SPAG4: variants seen among roughly 807,000 people sequenced by gnomAD.
The protein encoded by SPAG4 is sperm associated antigen 4.
A neutral mutation model predicts 53.9 loss-of-function variants in SPAG4; 54 were observed. That is an observed-to-expected ratio of 1.00 (90% CI 0.80 to 1.26). The LOEUF (loss-of-function observed/expected upper bound fraction) is 1.26, where lower values mean the gene tolerates loss of function less well. Among genes scored for constraint, SPAG4 ranks in the 50% most tolerant of loss-of-function variants. SPAG4 has a pLI of 0.00. For synonymous variants in SPAG4, 246 were observed against 237.4 expected (o/e 1.04, Z -0.33); for missense variants, 548 against 568.6 (o/e 0.96, Z 0.37).
Position 35,616,138 on chromosome 20 carries a change from G to C in SPAG4, c.135G>C (p.Gly45=), listed in dbSNP as rs760780794. The C allele has an allele frequency of 3.1e-6, 5 of 1,604,856 alleles. No homozygotes were observed. The African/African-American group carries it at 6.7e-5, about 22-fold the overall frequency. ...KGLRSAEPGP[G]EPEGRRARGP... ...TCCGGTCAGCGGAGCCCGGGCCTGG[G>C]GAGCCCGAGGGCAGAAGAGCCCGGG... Residue 45 remains glycine (G), a synonymous_variant, in exon 1 of 12, where the codon GGG becomes GGC. Transcript: ENST00000374273.
intron 4 of SPAG4, 87 bp from the exon 5 acceptor site, chr20:35,618,000 C>T (rs962262311): frequency 9.6e-6 from 14 of 1,456,046 alleles, no homozygotes; most frequent in Admixed American, 1.7e-5. Context: ...GGCTTAACCC[C>T]CTCAAGCCTC....
In SPAG4 at chr20:35,620,759, A is replaced by G. The variant is rs1041212115; in HGVS notation, c.1153A>G (p.Thr385Ala). ...CGATGTTGAGAAATCGGAGATTCAG[A>G]CTTTCCACCTGCAGGTGTGTTTGTC... ...TFDVEKSEIQ[T>A]FHLQNDPPAA... Residue 385 changes from threonine to alanine, a missense_variant, in exon 11 of 12, where the codon ACT (threonine) becomes GCT (alanine). Transcript: ENST00000374273. 3.1e-6 allele frequency: 5 copies of G among 1,613,706 alleles called. No homozygotes were observed. The highest frequency in any genetic ancestry group is 4.5e-5 in the East Asian group (2 of 44,856).
chr20:35,619,136 C>A, intron 8 of SPAG4, 59 bp from the exon 9 acceptor site: 1 of 1,389,742 alleles, frequency 7.2e-7, no homozygotes, highest in Non-Finnish European at 1.0e-6. Context: ...CCCGCGCCCC[C>A]GCGCCCCGAC....
chr20:35,618,864 C>T, intron 7 of SPAG4, 59 bp from the exon 8 acceptor site: 2 of 1,533,890 alleles, frequency 1.3e-6, no homozygotes, highest in South Asian at 2.2e-5. Context: ...AGGTCCCGTC[C>T]ACCTGTAAAA....
intron 9 of SPAG4, 108 bp from the exon 10 acceptor site, chr20:35,619,471 G>GT: frequency 6.8e-7 from 1 of 1,477,008 alleles, no homozygotes; most frequent in South Asian, 1.2e-5. Flanking sequence ...CGGGCTGGAG[G>GT]TGGAGCTCTG....
Position 35,617,803 on chromosome 20 carries a change from G to A in SPAG4, c.501G>A (p.Leu167=), listed in dbSNP as rs770356303. ...GGGAGGTCTGTTCCATCCGCTTCCTGTTCACGGCTGTGTCGCTGCTGAGCC... is the reference window on the plus strand; with the variant it reads ...GGGAGGTCTGTTCCATCCGCTTCCTATTCACGGCTGTGTCGCTGCTGAGCC... ...MYREVCSIRF[L]FTAVSLLSLF... Residue 167 remains leucine (L), a synonymous_variant, in exon 4 of 12, where the codon CTG becomes CTA. Coordinates refer to ENST00000374273, the MANE Select transcript of SPAG4 (RefSeq NM_003116.3). The A allele has an allele frequency of 5.0e-5, 81 of 1,614,082 alleles. No individual in the cohort carries two copies. Among genetic ancestry groups the A allele is most frequent in the Non-Finnish European group, 6.9e-5 (81 of 1,179,992 alleles).
rs777504454 is a variant in SPAG4 at position 35,621,078 on chromosome 20, T to C, written c.*56T>C. The C allele has an allele frequency of 1.0e-4, 162 of 1,581,660 alleles. No homozygotes were observed. Among genetic ancestry groups the C allele is most frequent in the Non-Finnish European group, 1.3e-4 (155 of 1,154,060 alleles). ...CTGCTGAAGGATACTGGATCAGTGC[T>C]TTCGGGGGCTCTGTTGGGAGAGCTC... On this transcript the variant is annotated 3_prime_UTR_variant, in exon 12 of 12. Coordinates refer to ENST00000374273, the MANE Select transcript of SPAG4 (RefSeq NM_003116.3).
At chr20:35,616,864 A>C (rs1007996456) in intron 1 of SPAG4, 12 of 470,762 alleles carry the variant, frequency 2.5e-5, no homozygotes, top group Non-Finnish European at 4.2e-5. Context: ...TCCCGACCTC[A>C]GGTGATCCGC....
intron 4 of SPAG4, 63 bp from the exon 5 acceptor site, chr20:35,618,024 C>G: frequency 6.4e-7 from 1 of 1,560,572 alleles, no homozygotes; most frequent in Non-Finnish European, 8.8e-7. Context: ...CCACTGTCCC[C>G]CTATGCCGGG....
At chr20:35,618,049 T>C in intron 4 of SPAG4, 38 bp from the exon 5 acceptor site, 1 of 1,606,778 alleles carries the variant, frequency 6.2e-7, no homozygotes, top group African/African-American at 1.3e-5. Context: ...CCCATTCTCT[T>C]CCTTTTCCTT....
In SPAG4 at chr20:35,618,956, G is replaced by A. The variant is rs1024523819; in HGVS notation, c.751G>A (p.Glu251Lys). ...VAKLVFQRLN[E>K]DFVRKPDYAL... ...CAAGCTCGTGTTCCAGAGGCTGAAT[G>A]AGGATTTTGTGCGGAAGCCCGACTA... is the stretch of plus-strand genomic sequence containing the variant. Residue 251 changes from glutamate to lysine, a missense_variant, in exon 8 of 12, where the codon GAG becomes AAG. Glu to Lys is a moderately conservative substitution (Grantham distance 56, BLOSUM62 1). Transcript: ENST00000374273. The A allele has an allele frequency of 3.1e-6, 5 of 1,614,220 alleles. No homozygotes were observed. The highest frequency in any genetic ancestry group is 4.2e-6 in the Non-Finnish European group (5 of 1,180,032).
chr20:35,618,166 G>C (rs757919119), intron 5 of SPAG4, 36 bp downstream of exon 5: 10 of 1,603,216 alleles, frequency 6.2e-6, no homozygotes, highest in Middle Eastern at 1.7e-4. Flanking sequence ...TAGGGGGTTG[G>C]CAGGTTGTGA....
In SPAG4 at chr20:35,617,173, C is replaced by A; in HGVS notation, c.342C>A (p.Leu114=). The A allele has an allele frequency of 6.3e-7, 1 of 1,597,630 alleles. No individual in the cohort carries two copies. Residue 114 remains leucine (L), a synonymous_variant, in exon 2 of 12, where the codon CTC becomes CTA. Coordinates refer to ENST00000374273, the MANE Select transcript of SPAG4 (RefSeq NM_003116.3). Reference sequence around the variant, plus strand: ...CTCCAGTAGTCTCTGAGGAGCCGCTCGACCTTCTCCCGACCCTGGATCTGA... The same window carrying A: ...CTCCAGTAGTCTCTGAGGAGCCGCTAGACCTTCTCCCGACCCTGGATCTGA... The part of the protein sequence containing the change: ...TGSPVVSEEP[L]DLLPTLDLRQ...
At chr20:35,617,285 C>A in intron 2 of SPAG4, 45 bp downstream of exon 2, 2 of 1,358,434 alleles carry the variant, frequency 1.5e-6, no homozygotes, top group East Asian at 4.9e-5. Context: ...CTCGGGTTCC[C>A]CTCTCCGAAC....
rs763158789 is a variant in SPAG4, at chr20:35,618,120, C to T, written c.572C>T (p.Pro191Leu). The change falls in exon 5 of 12, where the codon CCT becomes CTT. Residue 191 changes from proline to leucine, a missense_variant. Coordinates refer to ENST00000374273, the MANE Select transcript of SPAG4 (RefSeq NM_003116.3). ...FWLGLLYLVS[P>L]LENEPKEMLT... Reference sequence around the variant, plus strand: ...CTGGGGCTTCTGTACCTGGTCTCTCCTTTGGAGAATGTGAGTTGGGGAGAC... The same window carrying T: ...CTGGGGCTTCTGTACCTGGTCTCTCTTTTGGAGAATGTGAGTTGGGGAGAC... The T allele has an allele frequency of 1.2e-6, 2 of 1,613,656 alleles. No homozygotes were observed. Among genetic ancestry groups the T allele is most frequent in the Non-Finnish European group, 1.7e-6 (2 of 1,179,856 alleles).
chr20:35,616,305 C>A lies in SPAG4; in HGVS notation c.302C>A (p.Ser101Ter). Residue 101 changes from serine (S) to a stop codon, truncating the protein, a stop_gained and splice_region_variant, in exon 1 of 12, where the codon TCG becomes TAG. Transcript: ENST00000374273. LOFTEE classifies it high-confidence loss of function. Reference protein sequence around the residue: ...CGAATVRGGASEPTGSPVVSE... With the variant: ...CGAATVRGGA ...GCGGCAACCGTGAGGGGCGGGGCCT[C>A]GGGTGCGGGCGGGGTCGACCCCGGG... is the stretch of plus-strand genomic sequence containing the variant. 9.0e-7 allele frequency: 1 copy of A among 1,106,926 alleles called. No individual in the cohort carries two copies. Among genetic ancestry groups the A allele is most frequent in the Non-Finnish European group, 1.1e-6 (1 of 897,716 alleles). 68.6% of individuals were successfully genotyped at this position (1,106,926 alleles called of 1,614,324 possible). A position where few individuals can be genotyped will look rare whatever the true frequency, so the allele number is the denominator to read the frequency against.
At chr20:35,617,458 G>T (rs1168627868) in intron 2 of SPAG4, 62 bp from the exon 3 acceptor site, 3 of 1,332,500 alleles carry the variant, frequency 2.3e-6, no homozygotes, top group Non-Finnish European at 2.1e-6. Flanking sequence ...CGGACACCAC[G>T]CAGGCTGAGC....
chr20:35,618,545 G>A (rs1050245812), intron 6 of SPAG4, 67 bp from the exon 7 acceptor site: 86 of 1,601,440 alleles, frequency 5.4e-5, no homozygotes, highest in Non-Finnish European at 7.3e-5. Flanking sequence ...TTGAAGGCGT[G>A]GGGGCCTTTG....
At chr20:35,618,419 CG>C in intron 5 of SPAG4, 30 bp from the exon 6 acceptor site, 1 of 1,613,554 alleles carries the variant, frequency 6.2e-7, no homozygotes, top group East Asian at 2.2e-5. Context: ...GGGAGCTGAG[CG>C]GCTCTGTGTT....
Sources: allele counts gnomAD v4.1 joint callset, GRCh38; gene constraint gnomAD v4.1.1; transcripts MANE v1.5; gene names NCBI Gene and HGNC (gene_info 2026-07-23, HGNC 2026-07-21).